GOLGA4: variants seen among roughly 807,000 people sequenced by gnomAD.
The protein encoded by GOLGA4 is golgin subfamily A member 4.
In GOLGA4, 169 loss-of-function variants were observed where a neutral mutation model predicts 265.9. The ratio of observed to expected loss-of-function variants is 0.64; its 90% CI spans 0.56 to 0.72. The LOEUF (loss-of-function observed/expected upper bound fraction) is 0.72. Among genes scored for constraint, GOLGA4 ranks in the 30% least tolerant of loss-of-function variants. The pLI is 0.00. For missense variants in GOLGA4, 2,482 were observed against 2,483.4 expected (o/e 1.00, Z 0.01); for synonymous variants, 923 against 855.8 (o/e 1.08, Z -1.37).
At chr3:37,259,881 G>T (rs1043383104) in intron 2 of GOLGA4, among the ~76,000 whole-genome samples, 1 of 152,040 alleles carries the variant, frequency 6.6e-6, no homozygotes, top group African/African-American at 2.4e-5. Flanking sequence ...TTTGTTTAAA[G>T]GCTTTCTATG....
intron 2 of GOLGA4, among the ~76,000 whole-genome samples, chr3:37,269,090 A>G (rs2096791278): frequency 6.6e-6 from 1 of 152,234 alleles, no homozygotes; most frequent in South Asian, 2.1e-4. Context: ...GATTGAAACA[A>G]TATGTAATTG....
intron 7 of GOLGA4, among the ~76,000 whole-genome samples, chr3:37,297,264 A>G (rs2096880939): frequency 6.6e-6 from 1 of 152,190 alleles, no homozygotes; most frequent in Non-Finnish European, 1.5e-5. Flanking sequence ...ATAAACTTGG[A>G]GTAAGTAGTT....
Position 37,319,143 on chromosome 3 carries a change from G to A in GOLGA4, c.1494G>A (p.Lys498=). Residue 498 remains lysine (K), a synonymous_variant, in exon 12 of 24, where the codon AAG becomes AAA. Transcript: ENST00000361924. ...ELARKEQELT[K]KLQTREREFQ... ...CCAGAAAAGAGCAGGAACTGACCAAGAAGCTTCAGACCCGAGAAAGGGAAT... is the reference window on the plus strand; with the variant it reads ...CCAGAAAAGAGCAGGAACTGACCAAAAAGCTTCAGACCCGAGAAAGGGAAT... 1 of 1,611,556 alleles carries A rather than the reference G, an allele frequency of 6.2e-7. No individual in the cohort carries two copies. Among genetic ancestry groups the A allele is most frequent in the Non-Finnish European group, 8.5e-7 (1 of 1,178,564 alleles).
intron 2 of GOLGA4, among the ~76,000 whole-genome samples, chr3:37,257,275 A>AT (rs909930544): frequency 1.0e-3 from 154 of 152,028 alleles, no homozygotes; most frequent in African/African-American, 3.1e-3. Context: ...GAGTCTAATG[A>AT]TTTTTTTTAA....
Position 37,319,071 on chromosome 3 carries a change from A to G in GOLGA4, c.1422A>G (p.Ser474=), listed in dbSNP as rs375260068. The G allele has an allele frequency of 3.1e-6, 5 of 1,591,168 alleles. No individual in the cohort carries two copies. Among genetic ancestry groups the G allele is most frequent in the Non-Finnish European group, 4.3e-6 (5 of 1,170,024 alleles). The change falls in exon 12 of 24, where the codon TCA becomes TCG. Residue 474 remains serine, a synonymous_variant. Transcript: ENST00000361924. ...QEVVDVMKKS[S]EEQIAKLQKL... ...ATTTGGCTCATTTTCAGAAATCCTC[A>G]GAAGAACAAATTGCTAAGCTACAGA...
At chr3:37,280,530 A>C (rs2096832023) in intron 2 of GOLGA4, among the ~76,000 whole-genome samples, 1 of 152,238 alleles carries the variant, frequency 6.6e-6, no homozygotes, top group Admixed American at 6.5e-5. Flanking sequence ...AAATCTGAAA[A>C]AAATCTGAAA....
intron 5 of GOLGA4, among the ~76,000 whole-genome samples, chr3:37,289,713 C>T (rs950701626): frequency 6.6e-6 from 1 of 152,136 alleles, no homozygotes; most frequent in Non-Finnish European, 1.5e-5. Flanking sequence ...TCCTGAGGGC[C>T]ATGTGTACCC....
At chr3:37,293,762 G>A (rs1034552530) in intron 5 of GOLGA4, among the ~76,000 whole-genome samples, 10 of 152,198 alleles carry the variant, frequency 6.6e-5, no homozygotes, top group African/African-American at 2.4e-4. Flanking sequence ...TGGTCAGCAG[G>A]TATAGCTGAG....
At chr3:37,333,170 A>G (rs1014709270) in intron 16 of GOLGA4, among the ~76,000 whole-genome samples, 1 of 152,232 alleles carries the variant, frequency 6.6e-6, no homozygotes, top group African/African-American at 2.4e-5. Context: ...TGCTTACCAA[A>G]TAGCCTAATC....
chr3:37,258,077 A>G (rs1416638483), intron 2 of GOLGA4, among the ~76,000 whole-genome samples: 1 of 130,278 alleles, frequency 7.7e-6, no homozygotes, highest in African/African-American at 2.9e-5. Flanking sequence ...ATGTATATAT[A>G]TATGTGTGTA....
chr3:37,296,019 C>T (rs1433835363), intron 6 of GOLGA4, 68 bp from the exon 7 acceptor site: 1 of 1,405,552 alleles, frequency 7.1e-7, no homozygotes, highest in African/African-American at 1.4e-5. Flanking sequence ...CCCACAGATA[C>T]CAAGGGACAA....
chr3:37,306,935 CTT>C (rs2096908034), intron 10 of GOLGA4, among the ~76,000 whole-genome samples: 2 of 152,058 alleles, frequency 1.3e-5, no homozygotes, highest in East Asian at 1.9e-4. Flanking sequence ...TAACCATAGA[CTT>C]TTAGTCTTTT....
intron 20 of GOLGA4, among the ~76,000 whole-genome samples, chr3:37,345,958 A>G (rs2097054855): frequency 6.6e-6 from 1 of 152,148 alleles, no homozygotes; most frequent in Non-Finnish European, 1.5e-5. Context: ...AAAAAAAAAA[A>G]AAGTAATCTG....
At chr3:37,308,684 C>A (rs1353391841) in intron 10 of GOLGA4, among the ~76,000 whole-genome samples, 2 of 151,252 alleles carry the variant, frequency 1.3e-5, no homozygotes, top group African/African-American at 4.9e-5. Flanking sequence ...GGTGTGATCT[C>A]GGCTCACTGC....
intron 6 of GOLGA4, among the ~76,000 whole-genome samples, chr3:37,295,349 G>A (rs2096875341): frequency 6.6e-6 from 1 of 152,084 alleles, no homozygotes; most frequent in Non-Finnish European, 1.5e-5. Flanking sequence ...CTCCAGAGTG[G>A]CTGGGAATAC....
At chr3:37,322,825 T>C (rs1178455775) in intron 13 of GOLGA4, among the ~76,000 whole-genome samples, 2 of 151,512 alleles carry the variant, frequency 1.3e-5, no homozygotes, top group Non-Finnish European at 2.9e-5. Flanking sequence ...GTTCCTTCTT[T>C]ATGAAAAAAA....
At chr3:37,260,159 A>T (rs2096765509) in intron 2 of GOLGA4, among the ~76,000 whole-genome samples, 1 of 52,546 alleles carries the variant, frequency 1.9e-5, no homozygotes, top group Admixed American at 1.7e-4. Context: ...TGATGAGCTA[A>T]AAAAAAAAAA....
At chr3:37,287,056 G>A (rs569183733) in intron 4 of GOLGA4, among the ~76,000 whole-genome samples, 1 of 152,150 alleles carries the variant, frequency 6.6e-6, no homozygotes, top group East Asian at 1.9e-4. Flanking sequence ...ATAAAATATA[G>A]TTGGCCAGGC....
Position 37,302,189 on chromosome 3 carries a change from T to A in GOLGA4, c.1091T>A (p.Met364Lys). The A allele has an allele frequency of 6.2e-7, 1 of 1,612,820 alleles. No homozygotes were observed. Among genetic ancestry groups the A allele is most frequent in the South Asian group, 1.1e-5 (1 of 91,046 alleles). The change falls in exon 10 of 24, where the codon ATG (methionine) becomes AAG (lysine). Residue 364 changes from methionine to lysine, a missense_variant. Met to Lys is a moderately conservative substitution (Grantham distance 95, BLOSUM62 -1). This residue lies in a region of GOLGA4 where 1,536 missense variants were observed against 1,483.7 expected (regional missense o/e 1.04). Transcript: ENST00000361924. ...AGAGTCTTCACTTCTATTCAGGGAA[T>A]GGTAATCGCAGAGACAAAACGTCAG... ...LIEQLEQDKG[M>K]VIAETKRQMH...
Sources: gnomAD v4.1 joint callset for allele counts (sites outside exome capture counted in the v4.1 genomes callset) on GRCh38, gnomAD v4.1.1 for gene constraint, gnomAD v4.1.1 regional missense constraint, MANE v1.5 for transcripts, NCBI Gene and HGNC (gene_info 2026-07-23, HGNC 2026-07-21) for gene names.